Variants in DNASE1 observed in about 807,000 individuals in gnomAD.
DNASE1 encodes the protein deoxyribonuclease 1, also known as deoxyribonuclease-1.
DNASE1 carries 40 observed loss-of-function variants against 33.9 expected under a neutral mutation model. The observed-to-expected ratio is 1.18, with a 90% CI of 0.92 to 1.54. The LOEUF is 1.54. DNASE1 is among the 40% of genes most tolerant of loss of function. The pLI, the probability that DNASE1 is intolerant of heterozygous loss-of-function variation, is 0.00. For missense variants in DNASE1, 518 were observed against 372.6 expected (o/e 1.39, Z -3.21); for synonymous variants, 216 against 160.0 (o/e 1.35, Z -2.64).
At chr16:3,645,429 A>G (rs2042144492) in intron 1 of DNASE1, among the ~76,000 whole-genome samples, 1 of 152,238 alleles carries the variant, frequency 6.6e-6, no homozygotes, top group African/African-American at 2.4e-5. Flanking sequence ...CCTCATTGGG[A>G]ATATGAGTTC....
chr16:3,643,277 C>T (rs1442093918), intron 1 of DNASE1, among the ~76,000 whole-genome samples: 2 of 152,276 alleles, frequency 1.3e-5, no homozygotes, highest in African/African-American at 4.8e-5. Flanking sequence ...GCACTGGTCT[C>T]TCTAGCCATT....
chr16:3,616,541 A>T (rs968879067), intron 1 of DNASE1, among the ~76,000 whole-genome samples: 1 of 152,216 alleles, frequency 6.6e-6, no homozygotes, highest in Non-Finnish European at 1.5e-5. Flanking sequence ...GAATCCCTTG[A>T]ACCCAGGAGA....
intron 1 of DNASE1, among the ~76,000 whole-genome samples, chr16:3,627,039 A>ATT (rs1203260520): frequency 4.3e-5 from 6 of 137,952 alleles, no homozygotes; most frequent in Non-Finnish European, 7.9e-5. Context: ...GCTTATTTAA[A>ATT]TTTTTTTTTT....
intron 1 of DNASE1, among the ~76,000 whole-genome samples, chr16:3,648,982 G>A (rs933139541): frequency 3.9e-5 from 6 of 151,952 alleles, no homozygotes; most frequent in Non-Finnish European, 7.4e-5. Context: ...TGCCATCTAC[G>A]ATTTCCCAGT....
chr16:3,640,723 A>G (rs149949378), upstream of DNASE1: 6 of 398,524 alleles, frequency 1.5e-5, no homozygotes, highest in Non-Finnish European at 2.7e-5. Flanking sequence ...AGTGACCACA[A>G]TATGAATGGG....
chr16:3,647,643 G>C (rs556963200), intron 1 of DNASE1, among the ~76,000 whole-genome samples: 30 of 152,164 alleles, frequency 2.0e-4, no homozygotes, highest in African/African-American at 7.2e-4. Flanking sequence ...CTCAGGGCTG[G>C]CATTTTGAAG....
chr16:3,628,096 T>TA (rs1480668264), intron 1 of DNASE1, among the ~76,000 whole-genome samples: 1 of 152,210 alleles, frequency 6.6e-6, no homozygotes, highest in African/African-American at 2.4e-5. Flanking sequence ...TTTCCTTACT[T>TA]ATATCTTCAT....
At chr16:3,615,061 G>A (rs1031768938) in intron 1 of DNASE1, among the ~76,000 whole-genome samples, 2 of 151,298 alleles carry the variant, frequency 1.3e-5, no homozygotes, top group Non-Finnish European at 3.0e-5. Flanking sequence ...TGAATCACCT[G>A]TGGAATTTTT....
chr16:3,625,389 A>G (rs1276029487), intron 1 of DNASE1, among the ~76,000 whole-genome samples: 2 of 152,080 alleles, frequency 1.3e-5, no homozygotes, highest in African/African-American at 4.8e-5. Flanking sequence ...GAGACTGAGA[A>G]GGGAGAATTG....
intron 2 of DNASE1, 89 bp from the exon 3 acceptor site, chr16:3,655,760 A>G: frequency 6.5e-7 from 1 of 1,533,592 alleles, no homozygotes; most frequent in South Asian, 1.1e-5. Context: ...GAGCAATGCC[A>G]CGAGCATCAG....
Position 3,657,814 on chromosome 16 carries a change from C to CT in DNASE1, c.800dup (p.Ala268GlyfsTer6). The CT allele has an allele frequency of 6.2e-7, 1 of 1,614,036 alleles. No individual in the cohort carries two copies. The highest frequency in any genetic ancestry group is 1.7e-5 in the Admixed American group (1 of 60,012). ...GGCTGCCTATGGCCTGAGTGACCAA[C>CT]TGGTATGTGTCCTCCCTTGCACAGC... is the stretch of plus-strand genomic sequence containing the variant. On this transcript the variant is annotated frameshift_variant and splice_region_variant, in exon 8 of 9. Coordinates refer to ENST00000246949, the MANE Select transcript of DNASE1 (RefSeq NM_005223.4). LOFTEE classifies it high-confidence loss of function.
At chr16:3,630,487 C>G (rs2041663962) in intron 1 of DNASE1, among the ~76,000 whole-genome samples, 1 of 152,132 alleles carries the variant, frequency 6.6e-6, no homozygotes, top group African/African-American at 2.4e-5. Context: ...GGCTATTTCT[C>G]CCTTCAATTC....
intron 1 of DNASE1, among the ~76,000 whole-genome samples, chr16:3,636,083 T>A (rs2041859509): frequency 6.6e-6 from 1 of 152,212 alleles, no homozygotes. Flanking sequence ...TATGCCTTTC[T>A]AATTGTCCCA....
At chr16:3,614,089 T>G (rs2041013566) in intron 1 of DNASE1, among the ~76,000 whole-genome samples, 1 of 152,088 alleles carries the variant, frequency 6.6e-6, no homozygotes, top group African/African-American at 2.4e-5. Flanking sequence ...ATTTTTTGTA[T>G]TTTTAGTAGA....
intron 1 of DNASE1, among the ~76,000 whole-genome samples, chr16:3,613,411 A>G (rs2040980045): frequency 6.6e-6 from 1 of 152,170 alleles, no homozygotes; most frequent in Admixed American, 6.5e-5. Flanking sequence ...GGCTGTTAGA[A>G]ATAATGCTGC....
chr16:3,629,057 A>G (rs2041616413), intron 1 of DNASE1, among the ~76,000 whole-genome samples: 2 of 150,306 alleles, frequency 1.3e-5, no homozygotes, highest in South Asian at 4.2e-4. Flanking sequence ...CTGTAATCCC[A>G]GCTACTTGGG....
chr16:3,628,524 A>G (rs2041591865), intron 1 of DNASE1, among the ~76,000 whole-genome samples: 1 of 151,912 alleles, frequency 6.6e-6, no homozygotes, highest in South Asian at 2.1e-4. Flanking sequence ...TTCACTATTG[A>G]GTATGATGTT....
intron 1 of DNASE1, among the ~76,000 whole-genome samples, chr16:3,633,769 G>A (rs2041777243): frequency 6.6e-6 from 1 of 151,926 alleles, no homozygotes; most frequent in Admixed American, 6.6e-5. Context: ...TTATGATATT[G>A]CTGTCATTAA....
chr16:3,662,774 G>A (rs2043161063), downstream of DNASE1: 1 of 1,032,794 alleles, frequency 9.7e-7, no homozygotes, highest in African/African-American at 1.6e-5. Context: ...AAGGGCTTCT[G>A]CTGCTGCTGG....
Sources: gnomAD v4.1 joint callset for allele counts (sites outside exome capture counted in the v4.1 genomes callset) on GRCh38, gnomAD v4.1.1 for gene constraint, MANE v1.5 for transcripts, NCBI Gene and HGNC (gene_info 2026-07-23, HGNC 2026-07-21) for gene names.